The following SNX7 variants were observed in gnomAD, a reference collection of about 807,000 sequenced individuals.
SNX7 encodes sorting nexin-7.
Under a neutral mutation model 48.4 loss-of-function variants are expected in SNX7, and 35 were observed. That is an observed-to-expected ratio of 0.72 (90% CI 0.55 to 0.96). The LOEUF (loss-of-function observed/expected upper bound fraction) is 0.96. SNX7 is among the 40% of genes least tolerant of loss of function. The probability of loss-of-function intolerance (pLI) is 0.00; values close to 1 mark genes in which losing one functional copy is unlikely to be tolerated. For missense variants in SNX7, 553 were observed against 548.9 expected, an observed-to-expected ratio of 1.01 and a Z score of -0.07; for synonymous variants, 190 against 190.2, an observed-to-expected ratio of 1.00 and a Z score of 0.01.
In SNX7 at chr1:98,702,265, T is replaced by G. The variant is rs369015438; in HGVS notation, c.1125+362T>G. Among the ~76,000 whole-genome samples the G allele has an allele frequency of 7.9e-5, 12 of 152,278 alleles. No individual in the cohort carries two copies. The South Asian group carries it at 2.5e-3, about 32-fold the overall frequency. On this transcript the variant is annotated intron_variant, in intron 7 of 8. Transcript: ENST00000306121. ...ACTTTTTTATAGTTTTTTGAGATAT[T>G]TATATACATTAATGTTCCTGTATAC...
At chr1:98,714,167 A>G (rs1652465066) in intron 7 of SNX7, among the ~76,000 whole-genome samples, 1 of 152,190 alleles carries the variant, frequency 6.6e-6, no homozygotes, top group African/African-American at 2.4e-5. Flanking sequence ...AGGGGTGTCA[A>G]TGCCCCAGTC....
At chr1:98,756,424 T>TG (rs1190236307) in intron 8 of SNX7, among the ~76,000 whole-genome samples, 2 of 126,164 alleles carry the variant, frequency 1.6e-5, no homozygotes, top group South Asian at 2.3e-4. Flanking sequence ...CCAGATGAGT[T>TG]TTTTTTTTTT....
chr1:98,718,773 A>G (rs963820182), intron 7 of SNX7, among the ~76,000 whole-genome samples: 1 of 152,074 alleles, frequency 6.6e-6, no homozygotes, highest in African/African-American at 2.4e-5. Context: ...ATAAATACCA[A>G]TATACATTCT....
At chr1:98,757,874 A>C (rs900834253) in intron 8 of SNX7, among the ~76,000 whole-genome samples, 2 of 152,068 alleles carry the variant, frequency 1.3e-5, no homozygotes, top group Non-Finnish European at 2.9e-5. Flanking sequence ...ACAAACATGC[A>C]GAGATTTATG....
intron 3 of SNX7, 114 bp from the exon 4 acceptor site, chr1:98,691,421 T>A: frequency 1.1e-6 from 1 of 935,700 alleles, no homozygotes; most frequent in Non-Finnish European, 1.5e-6. Context: ...AAAAATTATT[T>A]TTATAAGAAA....
intron 7 of SNX7, among the ~76,000 whole-genome samples, chr1:98,711,950 T>C (rs1205903028): frequency 6.6e-6 from 1 of 152,190 alleles, no homozygotes; most frequent in Non-Finnish European, 1.5e-5. Flanking sequence ...TCACAGCATC[T>C]TCACCAGTAG....
At chr1:98,734,266 A>T (rs1236971055) in intron 7 of SNX7, among the ~76,000 whole-genome samples, 1 of 152,124 alleles carries the variant, frequency 6.6e-6, no homozygotes, top group East Asian at 1.9e-4. Flanking sequence ...CCATTATGGT[A>T]TGTATCCCAT....
intron 1 of SNX7, among the ~76,000 whole-genome samples, chr1:98,671,063 C>G (rs1027079047): frequency 6.6e-6 from 1 of 152,168 alleles, no homozygotes; most frequent in Non-Finnish European, 1.5e-5. Flanking sequence ...TCATAGCCTG[C>G]TGTAGTTTTA....
chr1:98,661,948 A>G (rs2100890757), intron 1 of SNX7, 37 bp downstream of exon 1: 5 of 1,245,776 alleles, frequency 4.0e-6, no homozygotes, highest in Non-Finnish European at 4.1e-6. Context: ...GAAACTTCCA[A>G]GGCAACTCCG....
intron 7 of SNX7, among the ~76,000 whole-genome samples, chr1:98,736,490 A>G (rs1339310141): frequency 6.6e-6 from 1 of 152,140 alleles, no homozygotes; most frequent in Non-Finnish European, 1.5e-5. Context: ...TATCATTATT[A>G]GTTATTCAGT....
chr1:98,693,612 A>G (rs547292735), intron 4 of SNX7, among the ~76,000 whole-genome samples: 1 of 152,322 alleles, frequency 6.6e-6, no homozygotes, highest in South Asian at 2.1e-4. Flanking sequence ...TGTTTACTCT[A>G]TCAAATGAGG....
intron 8 of SNX7, among the ~76,000 whole-genome samples, chr1:98,745,054 C>T (rs1004552515): frequency 6.6e-6 from 1 of 152,038 alleles, no homozygotes; most frequent in Non-Finnish European, 1.5e-5. Flanking sequence ...CATGCACAGT[C>T]ATCTAATACT....
At chr1:98,691,935 A>ACACACT (rs1557800737) in intron 4 of SNX7, among the ~76,000 whole-genome samples, 20 of 87,382 alleles carry the variant, frequency 2.3e-4, no homozygotes, top group Admixed American at 8.3e-4. Context: ...ACACACACAC[A>ACACACT]CACTCTCTCT....
intron 7 of SNX7, among the ~76,000 whole-genome samples, 179 bp downstream of exon 7, chr1:98,702,082 T>A (rs536004135): frequency 6.6e-6 from 1 of 152,202 alleles, no homozygotes; most frequent in Admixed American, 6.5e-5. Context: ...ACCATGTGAG[T>A]CTACAAGCTT....
chr1:98,749,786 T>G (rs1407820530), intron 8 of SNX7, among the ~76,000 whole-genome samples: 1 of 152,140 alleles, frequency 6.6e-6, no homozygotes, highest in African/African-American at 2.4e-5. Flanking sequence ...AACCTAATAA[T>G]TTTTATAGAT....
At chr1:98,750,877 A>T (rs1654547224) in intron 8 of SNX7, among the ~76,000 whole-genome samples, 1 of 152,226 alleles carries the variant, frequency 6.6e-6, no homozygotes. Context: ...GTAAAATTTT[A>T]TGTTTGCTGT....
At chr1:98,662,104 G>C (rs763771539) in intron 1 of SNX7, 193 bp downstream of exon 1, 30 of 483,004 alleles carry the variant, frequency 6.2e-5, no homozygotes, top group Non-Finnish European at 8.8e-5. Context: ...GTCGCCTCGG[G>C]GCCTCAAACC....
At chr1:98,738,511 C>G (rs969905633) in intron 8 of SNX7, 122 bp downstream of exon 8, 1 of 952,802 alleles carries the variant, frequency 1.0e-6, no homozygotes, top group African/African-American at 1.7e-5. Flanking sequence ...TCTCTGGTAG[C>G]TTGGTTTTGA....
chr1:98,754,799 T>C (rs989744366), intron 8 of SNX7, among the ~76,000 whole-genome samples: 1 of 151,980 alleles, frequency 6.6e-6, no homozygotes, highest in Non-Finnish European at 1.5e-5. Context: ...TTTTGTTTTT[T>C]CTTTCATTGA....
Sources: allele counts gnomAD v4.1 joint callset (sites outside exome capture counted in the v4.1 genomes callset), GRCh38; gene constraint gnomAD v4.1.1; transcripts MANE v1.5; gene names NCBI Gene and HGNC (gene_info 2026-07-23, HGNC 2026-07-21).